Variants in AGO1 observed in about 807,000 individuals in gnomAD.
AGO1 encodes protein argonaute-1.
In AGO1, 11 loss-of-function variants were observed where a neutral mutation model predicts 109.2. That is an observed-to-expected ratio of 0.10 (90% CI 0.06 to 0.17). The LOEUF is 0.17. Among genes scored for constraint, AGO1 ranks in the 10% least tolerant of loss-of-function variants. AGO1 has a pLI of 1.00. For missense variants in AGO1, 574 were observed against 1,140.3 expected (o/e 0.50, Z 7.15); for synonymous variants, 422 against 418.6 (o/e 1.01, Z -0.10).
intron 15 of AGO1, among the ~76,000 whole-genome samples, chr1:35,916,627 C>G (rs1375645668): frequency 6.6e-6 from 1 of 152,240 alleles, no homozygotes; most frequent in African/African-American, 2.4e-5. Context: ...CTTGGCCTCC[C>G]AAAGTGCTGG....
upstream of AGO1, among the ~76,000 whole-genome samples, chr1:35,883,040 A>T (rs1181402915): frequency 6.6e-6 from 1 of 151,896 alleles, no homozygotes; most frequent in Non-Finnish European, 1.5e-5. The surrounding 1 kb of genome is among the most constrained non-coding windows in gnomAD (Gnocchi z 5.4). Context: ...GTTCCAAGGC[A>T]CCTCTACTGG....
chr1:35,887,175 C>A (rs893487105), intron 1 of AGO1, among the ~76,000 whole-genome samples: 2 of 152,084 alleles, frequency 1.3e-5, no homozygotes, highest in African/African-American at 4.8e-5. Context: ...GGAAACAGAG[C>A]AGCTTAGCTC....
chr1:35,911,657 T>C (rs576355663), intron 12 of AGO1, among the ~76,000 whole-genome samples: 2 of 152,364 alleles, frequency 1.3e-5, no homozygotes, highest in African/African-American at 2.4e-5. Context: ...GAAGTAGATA[T>C]GATCTTTTTA....
At chr1:35,870,369 C>G (rs1228449556) in intron 1 of AGO1, among the ~76,000 whole-genome samples, 1 of 152,158 alleles carries the variant, frequency 6.6e-6, no homozygotes, top group East Asian at 1.9e-4. Context: ...CTGCCAGCTC[C>G]GCCTCCCAGG....
rs996721403 is a variant in AGO1 at position 35,925,753 on chromosome 1, A to G, written c.*6146A>G. On this transcript the variant is annotated 3_prime_UTR_variant, in exon 19 of 19. Coordinates refer to ENST00000373204, the MANE Select transcript of AGO1 (RefSeq NM_012199.5). ...CCACTCACCCCAAGTTGGAGGTTCT[A>G]TGGTTTTGTACTTTAAGCTGGTGGT... The G allele has an allele frequency of 2.0e-5, 3 of 152,064 alleles. No individual in the cohort carries two copies. Among genetic ancestry groups the G allele is most frequent in the African/African-American group, 2.4e-5 (1 of 41,386 alleles). 9.4% of individuals were successfully genotyped at this position (152,064 alleles called of 1,614,324 possible).
intron 2 of AGO1, among the ~76,000 whole-genome samples, chr1:35,890,819 G>T (rs765266453): frequency 1.3e-5 from 2 of 151,988 alleles, no homozygotes; most frequent in Non-Finnish European, 2.9e-5. Context: ...AGATTTTTTT[G>T]ATCTTTGGCA....
Position 35,901,716 on chromosome 1 carries a change from G to T in AGO1, c.1140+123G>T. The T allele has an allele frequency of 1.4e-6, 2 of 1,481,466 alleles. No homozygotes were observed. Among genetic ancestry groups the T allele is most frequent in the Non-Finnish European group, 1.8e-6 (2 of 1,093,688 alleles). The allele number at this position is 1,481,466 out of a possible 1,614,324, so 91.8% of individuals were successfully genotyped here. On this transcript the variant is annotated intron_variant, in intron 9 of 18. Transcript: ENST00000373204. This position sits in a 1 kb window ranked among gnomAD's most constrained non-coding sequence, Gnocchi z 4.8. ...AGATTTGTTGCCTAGGACTGTATAA[G>T]GCTGCTTTTGCTTCTTGACCGTATA...
chr1:35,898,516 A>G (rs558895935), intron 8 of AGO1, among the ~76,000 whole-genome samples: 1 of 152,182 alleles, frequency 6.6e-6, no homozygotes, highest in Admixed American at 6.5e-5. Context: ...CAGCCTCCCA[A>G]ATTGCTGGGA....
In AGO1 at chr1:35,893,050, C is replaced by G; in HGVS notation, c.331-47C>G. The G allele has an allele frequency of 6.4e-7, 1 of 1,559,504 alleles. No individual in the cohort carries two copies. The highest frequency in any genetic ancestry group is 2.3e-5 in the East Asian group (1 of 44,106). On this transcript the variant is annotated intron_variant, in intron 3 of 18. Coordinates refer to ENST00000373204, the MANE Select transcript of AGO1 (RefSeq NM_012199.5). This position sits in a 1 kb window ranked among gnomAD's most constrained non-coding sequence, Gnocchi z 5.6. Reference sequence around the variant, plus strand: ...AATCCATGGAGTTGGGGGTCATTCTCGCAGAGCAATGGCAATCCTTCATCC... The same window carrying G: ...AATCCATGGAGTTGGGGGTCATTCTGGCAGAGCAATGGCAATCCTTCATCC...
chr1:35,875,870 A>G (rs1644988823), intron 1 of AGO1, among the ~76,000 whole-genome samples: 1 of 152,218 alleles, frequency 6.6e-6, no homozygotes, highest in Non-Finnish European at 1.5e-5. Flanking sequence ...TACTTACACA[A>G]CATCCATTCT....
rs1242913990 is a variant in AGO1, at chr1:35,907,922, C to G, written c.1582+803C>G. ...GGAGGATCGCTTGTGCCCAGAAATT[C>G]GAGGCTAGTCTGGGCAACAAAGCAA... On this transcript the variant is annotated intron_variant, in intron 12 of 18. Coordinates refer to ENST00000373204, the MANE Select transcript of AGO1 (RefSeq NM_012199.5). Among the ~76,000 whole-genome samples, 6 of 152,170 alleles carry G rather than the reference C, an allele frequency of 3.9e-5. No individual in the cohort carries two copies. In the South Asian group the frequency reaches 8.3e-4, roughly 21 times the overall value.
At chr1:35,892,904 G>A (rs1372603514) in intron 3 of AGO1, among the ~76,000 whole-genome samples, 193 bp from the exon 4 acceptor site, 1 of 152,226 alleles carries the variant, frequency 6.6e-6, no homozygotes, top group Non-Finnish European at 1.5e-5. Flanking sequence ...CTTCCTGCTA[G>A]GCTGAGAGGT....
At chr1:35,911,846 C>T (rs1645638112) in intron 12 of AGO1, among the ~76,000 whole-genome samples, 1 of 152,186 alleles carries the variant, frequency 6.6e-6, no homozygotes, top group East Asian at 1.9e-4. Context: ...ATCTCTTAGA[C>T]ACATTTCACT....
At chr1:35,917,810 G>A in intron 16 of AGO1, 83 bp downstream of exon 16, 2 of 1,538,016 alleles carry the variant, frequency 1.3e-6, no homozygotes, top group Admixed American at 3.6e-5. Flanking sequence ...ATAAAGGCTG[G>A]GGATTTAGTC....
At chr1:35,913,718 G>A (rs981666096) in intron 12 of AGO1, 124 bp from the exon 13 acceptor site, 5 of 962,070 alleles carry the variant, frequency 5.2e-6, no homozygotes, top group African/African-American at 1.6e-5. Context: ...CACTTTGAGA[G>A]TAAGGACCTT....
intron 1 of AGO1, among the ~76,000 whole-genome samples, chr1:35,872,095 G>A (rs1019837564): frequency 4.0e-5 from 6 of 149,368 alleles, no homozygotes; most frequent in African/African-American, 1.5e-4. Flanking sequence ...AAAGACTGAA[G>A]TGTTCTGTTA....
chr1:35,872,951 G>C (rs1292536421), intron 1 of AGO1, among the ~76,000 whole-genome samples: 1 of 151,662 alleles, frequency 6.6e-6, no homozygotes, highest in Non-Finnish European at 1.5e-5. Context: ...TGGGGGCCTT[G>C]CTATTTTTCC....
At chr1:35,871,349 C>G (rs1644949719) in intron 1 of AGO1, among the ~76,000 whole-genome samples, 1 of 150,822 alleles carries the variant, frequency 6.6e-6, no homozygotes, top group African/African-American at 2.4e-5. Context: ...AGTTCGAGAC[C>G]AGTCTGGTCA....
In AGO1 at chr1:35,901,031, G is replaced by A. The variant is rs2148715092; in HGVS notation, c.1021-443G>A. ...GGGTCTCACTCTGTCACCCAGGCTGGCGTTCAGTGGCGTGATCTGGGCTCA... is the reference window on the plus strand; with the variant it reads ...GGGTCTCACTCTGTCACCCAGGCTGACGTTCAGTGGCGTGATCTGGGCTCA... On this transcript the variant is annotated intron_variant, in intron 8 of 18. Coordinates refer to ENST00000373204, the MANE Select transcript of AGO1 (RefSeq NM_012199.5). The surrounding 1 kb of genome is among the most constrained non-coding windows in gnomAD (Gnocchi z 4.8). Among the ~76,000 whole-genome samples the A allele has an allele frequency of 1.3e-5, 2 of 151,026 alleles. No homozygotes were observed. The highest frequency in any genetic ancestry group is 6.8e-3 in the Middle Eastern group (2 of 292).
Sources: allele counts gnomAD v4.1 joint callset (sites outside exome capture counted in the v4.1 genomes callset), GRCh38; gene constraint gnomAD v4.1.1; non-coding constraint Gnocchi (gnomAD v3.1); transcripts MANE v1.5; gene names NCBI Gene and HGNC (gene_info 2026-07-23, HGNC 2026-07-21).